The following CCBE1 variants were observed in gnomAD, a reference collection of about 807,000 sequenced individuals.
CCBE1 encodes the protein collagen and calcium binding EGF domains 1.
In CCBE1, 37 loss-of-function variants were observed where a neutral mutation model predicts 50.0. The observed-to-expected ratio is 0.74, with a 90% CI of 0.57 to 0.97. The LOEUF is 0.97. Among genes scored for constraint, CCBE1 ranks in the 50% least tolerant of loss-of-function variants. CCBE1 has a pLI of 0.00. For synonymous variants in CCBE1, 234 were observed against 203.7 expected (o/e 1.15, Z -1.27); for missense variants, 538 against 523.8 (o/e 1.03, Z -0.26).
intron 3 of CCBE1, among the ~76,000 whole-genome samples, chr18:59,477,498 A>G (rs1452808620): frequency 6.6e-6 from 1 of 151,636 alleles, no homozygotes; most frequent in Non-Finnish European, 1.5e-5. Context: ...GTAAATTGTC[A>G]TGAGTATTTC....
chr18:59,573,930 A>G (rs1326431023), intron 2 of CCBE1, among the ~76,000 whole-genome samples: 1 of 152,248 alleles, frequency 6.6e-6, no homozygotes, highest in African/African-American at 2.4e-5. Context: ...TGTAATAGGT[A>G]TGAAATATAT....
chr18:59,480,503 G>A (rs757804216), intron 2 of CCBE1, among the ~76,000 whole-genome samples: 11 of 151,996 alleles, frequency 7.2e-5, no homozygotes, highest in Non-Finnish European at 4.4e-5. Context: ...AATTAACTCC[G>A]ACTTCAAGAT....
intron 2 of CCBE1, among the ~76,000 whole-genome samples, chr18:59,682,931 C>T (rs73961295): frequency 0.028 from 4,245 of 152,314 alleles, 172 homozygotes; most frequent in African/African-American, 0.096. Context: ...TTGTGCCCCC[C>T]CTTCCCTGTA....
In CCBE1 at chr18:59,604,032, G is replaced by A. The variant is rs189201787; in HGVS notation, c.212+92597C>T. Among the ~76,000 whole-genome samples, 12 of 152,320 alleles carry A rather than the reference G, an allele frequency of 7.9e-5. No individual in the cohort carries two copies. The East Asian group carries it at 1.5e-3, about 20-fold the overall frequency. On this transcript the variant is annotated intron_variant, in intron 2 of 10. Transcript: ENST00000439986. ...GAATCTTCTACTTTTTTTAAAAAAT[G>A]AGAAGTTGGAAAAGGTATCTGTTGT...
In CCBE1 at chr18:59,677,681, TTA is replaced by T. The variant is rs538487673; in HGVS notation, c.212+18946_212+18947del. Among the ~76,000 whole-genome samples, 1,053 of 148,848 alleles carry T rather than the reference TTA, an allele frequency of 7.1e-3. 4 individuals carry two copies. Among genetic ancestry groups the T allele is most frequent in the Middle Eastern group, 0.021 (6 of 286 alleles). ...ACTTGAACCCAGGAGTTGAGTCTTT[TTA>T]AAAGATTATCTCTTTAAAAAAAAAA... On this transcript the variant is annotated intron_variant, in intron 2 of 10. Transcript: ENST00000439986.
intron 2 of CCBE1, among the ~76,000 whole-genome samples, chr18:59,618,032 T>C (rs559966275): frequency 6.6e-6 from 1 of 152,314 alleles, no homozygotes; most frequent in South Asian, 2.1e-4. Flanking sequence ...ATTTAAGACT[T>C]TGGAAATCTA....
At chr18:59,631,256 A>C (rs1316953846) in intron 2 of CCBE1, among the ~76,000 whole-genome samples, 1 of 152,092 alleles carries the variant, frequency 6.6e-6, no homozygotes, top group African/African-American at 2.4e-5. Context: ...GGAGCACCAG[A>C]AAGTAATTTC....
chr18:59,605,672 C>T (rs776256130), intron 2 of CCBE1, among the ~76,000 whole-genome samples: 2 of 152,156 alleles, frequency 1.3e-5, no homozygotes, highest in Non-Finnish European at 2.9e-5. Context: ...TGGCTACCCA[C>T]CTAGAGCTTG....
intron 2 of CCBE1, among the ~76,000 whole-genome samples, chr18:59,509,876 C>A (rs2144292254): frequency 6.6e-6 from 1 of 152,214 alleles, no homozygotes; most frequent in South Asian, 2.1e-4. Context: ...TTAAGCGACC[C>A]AACATGTTTT....
chr18:59,541,201 T>G (rs531518884), intron 2 of CCBE1, among the ~76,000 whole-genome samples: 1 of 152,320 alleles, frequency 6.6e-6, no homozygotes, highest in African/African-American at 2.4e-5. Flanking sequence ...ACTATTACAC[T>G]TGAATTAAGT....
At chr18:59,687,352 G>A (rs1039566293) in intron 2 of CCBE1, among the ~76,000 whole-genome samples, 5 of 152,176 alleles carry the variant, frequency 3.3e-5, no homozygotes, top group African/African-American at 9.7e-5. Context: ...TCCACATAAC[G>A]TTAAATTTTT....
At chr18:59,450,377 T>A (rs933447949) in intron 6 of CCBE1, among the ~76,000 whole-genome samples, 2 of 152,166 alleles carry the variant, frequency 1.3e-5, no homozygotes, top group African/African-American at 4.8e-5. Flanking sequence ...GGTATTAATG[T>A]TGTCGTTTTT....
At chr18:59,446,240 A>C (rs1299820846) in intron 7 of CCBE1, among the ~76,000 whole-genome samples, 1 of 152,222 alleles carries the variant, frequency 6.6e-6, no homozygotes, top group Non-Finnish European at 1.5e-5. Flanking sequence ...GAAAGCTTGC[A>C]AGGCATTTAT....
At chr18:59,526,616 G>A (rs769698392) in intron 2 of CCBE1, among the ~76,000 whole-genome samples, 5 of 152,090 alleles carry the variant, frequency 3.3e-5, no homozygotes, top group South Asian at 4.2e-4. Context: ...GCCAATTGGA[G>A]ATCTTTTTAG....
intron 2 of CCBE1, among the ~76,000 whole-genome samples, chr18:59,653,097 T>G (rs2054146794): frequency 6.6e-6 from 1 of 152,214 alleles, no homozygotes; most frequent in Non-Finnish European, 1.5e-5. Flanking sequence ...AGTCCTCACT[T>G]ACCATGTTCC....
intron 3 of CCBE1, among the ~76,000 whole-genome samples, chr18:59,473,998 C>G (rs1912188654): frequency 6.6e-6 from 1 of 152,192 alleles, no homozygotes; most frequent in Non-Finnish European, 1.5e-5. Context: ...TTGTGTTTTT[C>G]TCTTCCTATG....
intron 2 of CCBE1, among the ~76,000 whole-genome samples, chr18:59,681,819 A>C (rs1401855692): frequency 2.0e-5 from 3 of 152,274 alleles, no homozygotes; most frequent in Non-Finnish European, 4.4e-5. Flanking sequence ...AAGGCTGATT[A>C]GAGATAAGTA....
chr18:59,697,452 C>T, upstream of CCBE1: 1 of 1,429,046 alleles, frequency 7.0e-7, no homozygotes, highest in Admixed American at 2.4e-5. Context: ...CGCCGGAGAG[C>T]AGGGGCGTTT....
intron 2 of CCBE1, among the ~76,000 whole-genome samples, chr18:59,559,862 C>T (rs1241818052): frequency 6.6e-6 from 1 of 152,194 alleles, no homozygotes; most frequent in Non-Finnish European, 1.5e-5. Flanking sequence ...ATGTTTCACA[C>T]GGCTTGGCAG....
Sources: allele counts gnomAD v4.1 joint callset (sites outside exome capture counted in the v4.1 genomes callset), GRCh38; gene constraint gnomAD v4.1.1; transcripts MANE v1.5; gene names NCBI Gene and HGNC (gene_info 2026-07-23, HGNC 2026-07-21).